The following CCDC7 variants were observed in gnomAD, a reference collection of about 807,000 sequenced individuals.
The protein encoded by CCDC7 is coiled-coil domain containing 7.
In CCDC7, 183 loss-of-function variants were observed where a neutral mutation model predicts 196.9. That is an observed-to-expected ratio of 0.93 (90% CI 0.82 to 1.05). CCDC7 has a LOEUF of 1.05. CCDC7 is among the 50% of genes least tolerant of loss of function. CCDC7 has a pLI of 0.00. For missense variants in CCDC7, 1,540 were observed against 1,482.2 expected (o/e 1.04, Z -0.64); for synonymous variants, 525 against 484.6 (o/e 1.08, Z -1.10).
intron 23 of CCDC7, among the ~76,000 whole-genome samples, chr10:32,689,384 A>G (rs780670170): frequency 3.8e-4 from 58 of 152,202 alleles, no homozygotes; most frequent in Non-Finnish European, 5.4e-4. Flanking sequence ...CCAAGGCTTT[A>G]TAACAAATGT....
chr10:32,456,143 T>C, intron 2 of CCDC7, 108 bp from the exon 4 acceptor site: 9 of 1,062,416 alleles, frequency 8.5e-6, no homozygotes, highest in Non-Finnish European at 1.1e-5. Flanking sequence ...TGAAGGGACA[T>C]AAATTACACA....
chr10:32,845,689 A>G, intron 35 of CCDC7, 63 bp downstream of exon 36: 1 of 1,448,806 alleles, frequency 6.9e-7, no homozygotes, highest in South Asian at 1.2e-5. Flanking sequence ...AGTTAAATTA[A>G]GTGTGGACAT....
At chr10:32,492,954 TTTA>T (rs2042370834) in intron 9 of CCDC7, among the ~76,000 whole-genome samples, 1 of 152,148 alleles carries the variant, frequency 6.6e-6, no homozygotes, top group African/African-American at 2.4e-5. Context: ...TGTTTTATTT[TTTA>T]TTGACAAAAT....
chr10:32,453,343 G>A lies in CCDC7; in HGVS notation c.280-1G>A. ...AATTGGCTTTTATTTTTTTTTTACA[G>A]GTTGTTTCCACTTTGGAAGAAACCT... is the stretch of plus-strand genomic sequence containing the variant. On this transcript the variant is annotated splice_acceptor_variant, in intron 1 of 41. Coordinates refer to ENST00000639629, the Ensembl canonical transcript of CCDC7. LOFTEE classifies it high-confidence loss of function. 6.7e-7 allele frequency: 1 copy of A among 1,489,172 alleles called. No homozygotes were observed. The highest frequency in any genetic ancestry group is 8.9e-7 in the Non-Finnish European group (1 of 1,121,514). The allele number at this position is 1,489,172 out of a possible 1,614,324, so 92.2% of individuals were successfully genotyped here. A position where few individuals can be genotyped will look rare whatever the true frequency, so the allele number is the denominator to read the frequency against.
intron 13 of CCDC7, among the ~76,000 whole-genome samples, chr10:32,545,361 G>T (rs531614186): frequency 1.6e-4 from 24 of 152,232 alleles, no homozygotes; most frequent in African/African-American, 5.5e-4. Flanking sequence ...CAACATTTTG[G>T]TCTCACAAAT....
At position 32,521,345 on chromosome 10, in the gene CCDC7, T is replaced by C. The variant is rs564733609; in HGVS notation, c.993+2840T>C. Among the ~76,000 whole-genome samples the C allele has an allele frequency of 5.9e-5, 9 of 152,236 alleles. No individual in the cohort carries two copies. The East Asian group carries it at 1.5e-3, about 26-fold the overall frequency. ...TTAACAATATTGACTCCTCCATCTA[T>C]GAACATGGAATATCTCTCCATTTCA... On this transcript the variant is annotated intron_variant, in intron 11 of 41. Transcript: ENST00000639629.
chr10:32,471,238 A>G lies in CCDC7; in HGVS notation c.677+8A>G, dbSNP rs777952843. 3.4e-5 allele frequency: 54 copies of G among 1,602,060 alleles called. No homozygotes were observed. In the Middle Eastern group the frequency reaches 6.8e-4, roughly 20 times the overall value. On this transcript the variant is annotated splice_region_variant and intron_variant, in intron 6 of 41. Transcript: ENST00000639629. ...CATGTTGTCTAAAACTATGTAAGTG[A>G]AATATAAGAACTAATTGAATTAAAA...
At chr10:32,508,687 A>G (rs982849892) in intron 9 of CCDC7, among the ~76,000 whole-genome samples, 37 of 151,940 alleles carry the variant, frequency 2.4e-4, no homozygotes, top group African/African-American at 7.3e-4. Context: ...CAATGGCACC[A>G]TCTCAGCTCA....
chr10:32,631,415 C>T (rs149351597), intron 18 of CCDC7, among the ~76,000 whole-genome samples: 3 of 152,134 alleles, frequency 2.0e-5, no homozygotes, highest in East Asian at 3.9e-4. Context: ...TATTTTCTCC[C>T]CACTGAATTT....
At chr10:32,568,007 T>TTG (rs374101024) in intron 15 of CCDC7, 116 bp downstream of exon 16, 203,437 of 528,254 alleles carry the variant, frequency 0.39, 17,214 homozygotes, top group Admixed American at 0.5. Flanking sequence ...TGTTTTTGGG[T>TTG]TTTTTTTTTT....
chr10:32,524,272 A>G (rs2048339983), intron 11 of CCDC7, among the ~76,000 whole-genome samples: 1 of 152,182 alleles, frequency 6.6e-6, no homozygotes, highest in Non-Finnish European at 1.5e-5. Flanking sequence ...AAGAAAACTC[A>G]TAAAAACTCT....
At chr10:32,835,494 A>G (rs2092530777) in intron 33 of CCDC7, among the ~76,000 whole-genome samples, 2 of 152,170 alleles carry the variant, frequency 1.3e-5, no homozygotes, top group African/African-American at 2.4e-5. Flanking sequence ...ATAGAATACA[A>G]TGCAGACATA....
intron 12 of CCDC7, among the ~76,000 whole-genome samples, chr10:32,544,028 T>G (rs1297478899): frequency 6.6e-6 from 1 of 152,074 alleles, no homozygotes; most frequent in Non-Finnish European, 1.5e-5. Context: ...TGACTATCAG[T>G]CTTTTCACAT....
chr10:32,788,384 G>A (rs927943731), intron 29 of CCDC7, among the ~76,000 whole-genome samples: 1 of 152,134 alleles, frequency 6.6e-6, no homozygotes, highest in Admixed American at 6.5e-5. Flanking sequence ...TCAGACCCCA[G>A]GCCATCAAAT....
chr10:32,634,273 T>C (rs2065285039), exon 19 of CCDC7: 1 of 1,213,476 alleles, frequency 8.2e-7, no homozygotes. Context: ...AAGTTCCAGA[T>C]GAAAATCTTA....
chr10:32,788,931 T>G (rs531334485), intron 29 of CCDC7, among the ~76,000 whole-genome samples: 1 of 152,320 alleles, frequency 6.6e-6, no homozygotes, highest in South Asian at 2.1e-4. Flanking sequence ...CCAGCCAATG[T>G]GGACCCAGGC....
At chr10:32,573,833 A>G (rs1315477867) in intron 16 of CCDC7, among the ~76,000 whole-genome samples, 6 of 152,340 alleles carry the variant, frequency 3.9e-5, no homozygotes, top group East Asian at 3.9e-4. Flanking sequence ...CTGAGCATCT[A>G]TGCTGTGCAA....
At chr10:32,711,765 T>G in intron 25 of CCDC7, 35 bp downstream of exon 26, 1 of 1,286,504 alleles carries the variant, frequency 7.8e-7, no homozygotes, top group East Asian at 2.7e-5. Context: ...TTATATTATT[T>G]TAAGTAAATC....
chr10:32,708,726 A>T lies in CCDC7; in HGVS notation c.2459-2894A>T, dbSNP rs552318001. On this transcript the variant is annotated intron_variant, in intron 24 of 41. Coordinates refer to ENST00000639629, the Ensembl canonical transcript of CCDC7. ...CCAAAAAACACATGAAAAAATGCTC[A>T]TCATCACTGGCCGTCAGAGAAATGC... Among the ~76,000 whole-genome samples the T allele has an allele frequency of 1.7e-3, 252 of 152,374 alleles. 2 individuals are homozygous for T. Among genetic ancestry groups the T allele is most frequent in the African/African-American group, 5.8e-3 (242 of 41,576 alleles).
Sources: gnomAD v4.1 joint callset for allele counts (sites outside exome capture counted in the v4.1 genomes callset) on GRCh38, gnomAD v4.1.1 for gene constraint, MANE v1.5 for transcripts, NCBI Gene and HGNC (gene_info 2026-07-23, HGNC 2026-07-21) for gene names.